The following CDK17 variants were observed in gnomAD, a reference collection of about 807,000 sequenced individuals.
CDK17 encodes the protein cyclin-dependent kinase 17.
CDK17 carries 24 observed loss-of-function variants against 77.6 expected under a neutral mutation model. That is an observed-to-expected ratio of 0.31 (90% CI 0.22 to 0.44). The LOEUF (loss-of-function observed/expected upper bound fraction) is 0.44, where lower values mean the gene tolerates loss of function less well. CDK17 is among the 20% of genes least tolerant of loss of function. The pLI, the probability that CDK17 is intolerant of heterozygous loss-of-function variation, is 1.00. For missense variants in CDK17, 429 were observed against 622.5 expected (o/e 0.69, Z 3.31); for synonymous variants, 203 against 210.4 (o/e 0.96, Z 0.30).
At chr12:96,368,806 CGGGGGGGGGGG>C (rs113976893) in intron 1 of CDK17, among the ~76,000 whole-genome samples, 1 of 67,514 alleles carries the variant, frequency 1.5e-5, no homozygotes, top group Non-Finnish European at 3.0e-5. Flanking sequence ...TACTCTAAGA[CGGGGGGGGGGG>C]GGGGGGGCAC....
chr12:96,279,184 T>G lies in CDK17; in HGVS notation c.*1058A>C, dbSNP rs1300261002. ...TAAAACTAATATTTAGTATCTCTGG[T>G]AAACAGATAATACCCACAATAATTT... On this transcript the variant is annotated 3_prime_UTR_variant, in exon 17 of 17. Transcript: ENST00000261211. 6.6e-6 allele frequency: 1 copy of G among 152,248 alleles called. No homozygotes were observed. Among genetic ancestry groups the G allele is most frequent in the African/African-American group, 2.4e-5 (1 of 41,470 alleles). The allele number at this position is 152,248 out of a possible 1,614,324, so 9.4% of individuals were successfully genotyped here.
Position 96,278,954 on chromosome 12 carries a change from A to G in CDK17, c.*1288T>C, listed in dbSNP as rs894301806. ...ATGGTAGGACCCCTGAATGTTTTAC[A>G]GTGAATTTCAGGAAAAGAAATTAAG... On this transcript the variant is annotated 3_prime_UTR_variant, in exon 17 of 17. Coordinates refer to ENST00000261211, the MANE Select transcript of CDK17 (RefSeq NM_002595.5). 32 of 152,604 alleles carry G rather than the reference A, an allele frequency of 2.1e-4. No individual in the cohort carries two copies. The highest frequency in any genetic ancestry group is 7.2e-4 in the African/African-American group (30 of 41,466). The allele number at this position is 152,604 out of a possible 1,614,324, so 9.5% of individuals were successfully genotyped here. A position where few individuals can be genotyped will look rare whatever the true frequency, so the allele number is the denominator to read the frequency against.
chr12:96,367,344 CAAAAAAAAAAAAAAAAAAA>C (rs56689330), intron 1 of CDK17, among the ~76,000 whole-genome samples: 1 of 63,484 alleles, frequency 1.6e-5, no homozygotes, highest in Non-Finnish European at 2.7e-5. Flanking sequence ...GACTCCACCT[CAAAAAAAAAAAAAAAAAAA>C]AAAAAAAAGA....
intron 1 of CDK17, among the ~76,000 whole-genome samples, chr12:96,337,960 C>T (rs900929580): frequency 6.6e-6 from 1 of 152,186 alleles, no homozygotes; most frequent in Admixed American, 6.5e-5. Flanking sequence ...ATAAGAGTGT[C>T]TCTACATAAC....
intron 1 of CDK17, chr12:96,335,204 C>A: frequency 2.9e-6 from 1 of 345,366 alleles, no homozygotes; most frequent in Non-Finnish European, 5.5e-6. Flanking sequence ...TGCTTAGGTT[C>A]CATAACATAA....
At chr12:96,303,008 A>G (rs1014845213) in intron 5 of CDK17, 4 of 152,226 alleles carry the variant, frequency 2.6e-5, no homozygotes, top group Non-Finnish European at 5.9e-5. Context: ...TTTCCAACTT[A>G]GGATTTAATG....
chr12:96,329,093 G>A (rs757278718), intron 2 of CDK17, among the ~76,000 whole-genome samples: 1 of 152,130 alleles, frequency 6.6e-6, no homozygotes, highest in Non-Finnish European at 1.5e-5. Flanking sequence ...ACCTAGAATA[G>A]GCAAATTCAT....
intron 11 of CDK17, among the ~76,000 whole-genome samples, 193 bp downstream of exon 11, chr12:96,288,974 C>T (rs1252395787): frequency 1.3e-5 from 2 of 152,188 alleles, no homozygotes; most frequent in East Asian, 1.9e-4. Flanking sequence ...AAAGTTAACA[C>T]ATAGTTCTAA....
chr12:96,280,571 C>T, intron 16 of CDK17: 1 of 1,413,334 alleles, frequency 7.1e-7, no homozygotes, highest in Non-Finnish European at 9.2e-7. Context: ...GTCTTTGTGC[C>T]ATCTGCAGCT....
At chr12:96,345,082 G>A (rs986302616) in intron 1 of CDK17, among the ~76,000 whole-genome samples, 9 of 152,144 alleles carry the variant, frequency 5.9e-5, no homozygotes, top group Non-Finnish European at 1.0e-4. Context: ...TGAGGTGTTT[G>A]GTTTTCTGTT....
chr12:96,361,076 T>C (rs1016002051), intron 1 of CDK17, among the ~76,000 whole-genome samples: 1 of 152,128 alleles, frequency 6.6e-6, no homozygotes, highest in South Asian at 2.1e-4. Context: ...AGAAACCCTA[T>C]GAAACTGGGA....
Position 96,298,981 on chromosome 12 carries a change from A to C in CDK17, c.603T>G (p.Gly201=). Residue 201 remains glycine (G), a splice_region_variant and synonymous_variant, in exon 7 of 17, where the codon GGT becomes GGG. Transcript: ENST00000261211. ...TTCCTTTATATACTGTTGCATATGT[A>C]CCCTATAAAATATATTTTTAAAGGA... ...TYIKLEKLGE[G]TYATVYKGRS... is the part of the protein sequence containing the mutation. The C allele has an allele frequency of 6.9e-7, 1 of 1,440,488 alleles. No individual in the cohort carries two copies. The highest frequency in any genetic ancestry group is 9.7e-7 in the Non-Finnish European group (1 of 1,028,238). 89.2% of individuals were successfully genotyped at this position (1,440,488 alleles called of 1,614,324 possible). A position where few individuals can be genotyped will look rare whatever the true frequency, so the allele number is the denominator to read the frequency against.
chr12:96,303,774 A>T (rs1319871289), intron 5 of CDK17, among the ~76,000 whole-genome samples: 1 of 152,068 alleles, frequency 6.6e-6, no homozygotes, highest in Non-Finnish European at 1.5e-5. Context: ...CTTTTTGTTT[A>T]CTTTGGATCT....
At chr12:96,297,419 T>C in intron 8 of CDK17, 87 bp from the exon 9 acceptor site, 2 of 930,298 alleles carry the variant, frequency 2.1e-6, no homozygotes, top group Non-Finnish European at 3.3e-6. Flanking sequence ...CAAAATTAGT[T>C]GTTTTTCAAG....
At chr12:96,338,149 C>T (rs1953071840) in intron 1 of CDK17, among the ~76,000 whole-genome samples, 1 of 152,136 alleles carries the variant, frequency 6.6e-6, no homozygotes, top group Non-Finnish European at 1.5e-5. Context: ...GCACTCCATG[C>T]CTATCTAATA....
At chr12:96,357,033 T>C (rs528918341) in intron 1 of CDK17, among the ~76,000 whole-genome samples, 24 of 152,334 alleles carry the variant, frequency 1.6e-4, no homozygotes, top group Admixed American at 3.3e-4. Flanking sequence ...AGTGATCTAT[T>C]AGAAATGTCA....
chr12:96,375,917 C>A (rs1448438862), intron 1 of CDK17, among the ~76,000 whole-genome samples: 1 of 152,076 alleles, frequency 6.6e-6, no homozygotes, highest in Non-Finnish European at 1.5e-5. Flanking sequence ...GGCCTCATTC[C>A]CCAGGGGAAA....
At chr12:96,398,077 A>C (rs754438027) in intron 1 of CDK17, among the ~76,000 whole-genome samples, 2 of 152,192 alleles carry the variant, frequency 1.3e-5, no homozygotes, top group African/African-American at 2.4e-5. Flanking sequence ...TCACTGTAAA[A>C]ATAAATAATA....
chr12:96,324,136 T>C (rs923817173), intron 2 of CDK17, 24 bp from the exon 3 acceptor site: 37 of 1,572,292 alleles, frequency 2.4e-5, no homozygotes, highest in Non-Finnish European at 3.2e-5. Flanking sequence ...AATTCGAAAA[T>C]CATTCCATCA....
Sources: allele counts gnomAD v4.1 joint callset (sites outside exome capture counted in the v4.1 genomes callset), GRCh38; gene constraint gnomAD v4.1.1; transcripts MANE v1.5; gene names NCBI Gene and HGNC (gene_info 2026-07-23, HGNC 2026-07-21).